Variants in UNC13C observed in about 807,000 individuals in gnomAD.
UNC13C encodes the protein protein unc-13 homolog C.
Under a neutral mutation model 245.4 loss-of-function variants are expected in UNC13C, and 174 were observed. That is an observed-to-expected ratio of 0.71 (90% CI 0.63 to 0.80). The LOEUF (loss-of-function observed/expected upper bound fraction) is 0.80. Ranked by LOEUF, UNC13C falls within the 30% of genes least tolerant of loss-of-function variation. The probability of loss-of-function intolerance (pLI) is 0.00; values close to 1 mark genes in which losing one functional copy is unlikely to be tolerated. For synonymous variants in UNC13C, 992 were observed against 895.1 expected (o/e 1.11, Z -1.93); for missense variants, 2,829 against 2,602.9 (o/e 1.09, Z -1.89).
chr15:54,069,993 CG>C lies in UNC13C; in HGVS notation c.2983+54108del, dbSNP rs1314307482. Among the ~76,000 whole-genome samples the C allele has an allele frequency of 3.3e-5, 5 of 152,284 alleles. No homozygotes were observed. The East Asian group carries it at 9.7e-4, about 29-fold the overall frequency. ...AATAAGTTGAGTATTGTTAACCTTCCGTTTTATAATGATCCTTAGACAGTTA... is the reference window on the plus strand; with the variant it reads ...AATAAGTTGAGTATTGTTAACCTTCCTTTTATAATGATCCTTAGACAGTTA... On this transcript the variant is annotated intron_variant, in intron 2 of 32. Coordinates refer to ENST00000260323, the MANE Select transcript of UNC13C (RefSeq NM_001080534.3).
At chr15:54,036,756 G>A (rs1896592836) in intron 2 of UNC13C, among the ~76,000 whole-genome samples, 1 of 152,188 alleles carries the variant, frequency 6.6e-6, no homozygotes, top group African/African-American at 2.4e-5. Flanking sequence ...GGATGGAGTT[G>A]GGGCAGTTTG....
chr15:54,374,382 A>G (rs769721529), intron 17 of UNC13C, among the ~76,000 whole-genome samples: 40 of 152,114 alleles, frequency 2.6e-4, no homozygotes, highest in Non-Finnish European at 5.3e-4. Context: ...CAGCCTCAGT[A>G]ACCCCCACCC....
intron 2 of UNC13C, among the ~76,000 whole-genome samples, chr15:54,105,038 G>A (rs543998311): frequency 6.6e-6 from 1 of 152,098 alleles, no homozygotes; most frequent in East Asian, 1.9e-4. Flanking sequence ...AAAAGCCCCA[G>A]TTTTTCTACC....
chr15:54,512,332 G>C lies in UNC13C; in HGVS notation c.5457+502G>C, dbSNP rs563013751. 3.1e-4 allele frequency: 142 copies of C among 455,846 alleles called. No individual in the cohort carries two copies. The Middle Eastern group carries it at 4.9e-3, about 16-fold the overall frequency. 28.2% of individuals were successfully genotyped at this position (455,846 alleles called of 1,614,324 possible). A position where few individuals can be genotyped will look rare whatever the true frequency, so the allele number is the denominator to read the frequency against. On this transcript the variant is annotated intron_variant, in intron 24 of 32. Transcript: ENST00000260323. Reference sequence around the variant, plus strand: ...TGTCTTTGTCCAACATCTTTGACTTGCAATTCCATGAGCAGAAGAAGGAAG... The same window carrying C: ...TGTCTTTGTCCAACATCTTTGACTTCCAATTCCATGAGCAGAAGAAGGAAG...
At chr15:53,918,957 T>C in the UNC13C span, among the ~76,000 whole-genome samples, 1 of 152,194 alleles carries the variant, frequency 6.6e-6, no homozygotes, top group African/African-American at 2.4e-5. Flanking sequence ...CAGAAGTGAA[T>C]GTGGGATTTC....
intron 28 of UNC13C, among the ~76,000 whole-genome samples, chr15:54,552,196 A>G (rs1315417307): frequency 1.4e-5 from 2 of 141,912 alleles, no homozygotes; most frequent in Non-Finnish European, 3.0e-5. Flanking sequence ...GACATTTTCT[A>G]TTACTTCATA....
rs751044444 is a variant in UNC13C, at chr15:54,013,200, C to G, written c.297C>G (p.Ala99=). 6.2e-7 allele frequency: 1 copy of G among 1,613,776 alleles called. No individual in the cohort carries two copies. The highest frequency in any genetic ancestry group is 8.5e-7 in the Non-Finnish European group (1 of 1,179,838). ...SPTFSYRVAI[A]NGLQKNAKVT... ...CATTCAGTTACCGAGTAGCTATTGC[C>G]AATGGCCTACAAAAGAATGCTAAAG... Residue 99 remains alanine (A), a synonymous_variant, in exon 2 of 33, where the codon GCC becomes GCG. Coordinates refer to ENST00000260323, the MANE Select transcript of UNC13C (RefSeq NM_001080534.3).
At chr15:54,002,937 C>A (rs1210499105) in intron 1 of UNC13C, among the ~76,000 whole-genome samples, 1 of 152,164 alleles carries the variant, frequency 6.6e-6, no homozygotes, top group Non-Finnish European at 1.5e-5. Flanking sequence ...GGTAGGAGGC[C>A]TGCGTTTTTG....
At chr15:54,610,187 G>A (rs1454169799) in intron 30 of UNC13C, among the ~76,000 whole-genome samples, 1 of 152,084 alleles carries the variant, frequency 6.6e-6, no homozygotes, top group Non-Finnish European at 1.5e-5. Flanking sequence ...TATGTCATAT[G>A]ATATATGATG....
Position 54,516,439 on chromosome 15 carries a change from G to A in UNC13C, c.5457+4609G>A, listed in dbSNP as rs552153401. Among the ~76,000 whole-genome samples, 3 of 152,224 alleles carry A rather than the reference G, an allele frequency of 2.0e-5. No individual in the cohort carries two copies. In the South Asian group the frequency reaches 6.2e-4, roughly 32 times the overall value. On this transcript the variant is annotated intron_variant, in intron 24 of 32. Coordinates refer to ENST00000260323, the MANE Select transcript of UNC13C (RefSeq NM_001080534.3). Reference sequence around the variant, plus strand: ...GGGCCAGGTGATTTGCATTTCTAACGAATCTCTGGGTGACGCTGATGCTAC... The same window carrying A: ...GGGCCAGGTGATTTGCATTTCTAACAAATCTCTGGGTGACGCTGATGCTAC...
At chr15:54,207,853 A>C (rs1462442485) in intron 4 of UNC13C, among the ~76,000 whole-genome samples, 1 of 152,126 alleles carries the variant, frequency 6.6e-6, no homozygotes, top group East Asian at 1.9e-4. Context: ...TTTGGAACAA[A>C]ATACTTAACA....
chr15:54,614,669 T>C (rs866947166), intron 30 of UNC13C, among the ~76,000 whole-genome samples: 1 of 152,018 alleles, frequency 6.6e-6, no homozygotes, highest in Non-Finnish European at 1.5e-5. Flanking sequence ...TAACTAGGTA[T>C]TGTGTAATTT....
chr15:54,123,103 C>A (rs1007761763), intron 2 of UNC13C, among the ~76,000 whole-genome samples: 1 of 151,910 alleles, frequency 6.6e-6, no homozygotes, highest in African/African-American at 2.4e-5. Context: ...ATCTTATCAA[C>A]TCTTATTATT....
chr15:54,327,136 A>T (rs2038318566), intron 14 of UNC13C, among the ~76,000 whole-genome samples: 1 of 152,010 alleles, frequency 6.6e-6, no homozygotes, highest in East Asian at 1.9e-4. Context: ...TCAATATTTT[A>T]ATTTTGAAGG....
rs1484496658 is a variant in UNC13C at position 54,500,827 on chromosome 15, C to A, written c.5158-8C>A. ...TGTTTGGGATGGTTTCACCTCCTCT[C>A]CCCACAGTTCCAGCAGACATCTGAG... On this transcript the variant is annotated splice_polypyrimidine_tract_variant and splice_region_variant and intron_variant, in intron 21 of 32. Coordinates refer to ENST00000260323, the MANE Select transcript of UNC13C (RefSeq NM_001080534.3). 1.2e-6 allele frequency: 2 copies of A among 1,612,056 alleles called. No individual in the cohort carries two copies. The highest frequency in any genetic ancestry group is 1.1e-5 in the South Asian group (1 of 90,920).
chr15:54,266,754 T>C (rs2036557752), intron 10 of UNC13C, among the ~76,000 whole-genome samples: 1 of 152,056 alleles, frequency 6.6e-6, no homozygotes, highest in African/African-American at 2.4e-5. Flanking sequence ...AATGAACATA[T>C]CCATCAGTGC....
rs146365908 is a variant in UNC13C, at chr15:54,620,916, G to C, written c.6107-1411G>C. On this transcript the variant is annotated intron_variant, in intron 30 of 32. Coordinates refer to ENST00000260323, the MANE Select transcript of UNC13C (RefSeq NM_001080534.3). ...CCTGGTGGTAGTCTCCCTGGTGTTG[G>C]GGGGAGGAAGGAAAGAAAAAAGATG... Among the ~76,000 whole-genome samples, 1,393 of 152,224 alleles carry C rather than the reference G, an allele frequency of 9.2e-3. 18 individuals are homozygous for C. Among genetic ancestry groups the C allele is most frequent in the African/African-American group, 0.03 (1,230 of 41,532 alleles).
chr15:54,241,609 T>C (rs539852628), intron 7 of UNC13C, among the ~76,000 whole-genome samples: 1 of 152,346 alleles, frequency 6.6e-6, no homozygotes, highest in South Asian at 2.1e-4. Context: ...TAACTTTGCT[T>C]CATCAATAAA....
intron 2 of UNC13C, among the ~76,000 whole-genome samples, chr15:54,136,619 G>A (rs376624529): frequency 6.6e-6 from 1 of 151,960 alleles, no homozygotes; most frequent in Non-Finnish European, 1.5e-5. Flanking sequence ...CCCTTGTCTT[G>A]TTTCTGATCT....
Sources: gnomAD v4.1 joint callset for allele counts (sites outside exome capture counted in the v4.1 genomes callset) on GRCh38, gnomAD v4.1.1 for gene constraint, MANE v1.5 for transcripts, NCBI Gene and HGNC (gene_info 2026-07-23, HGNC 2026-07-21) for gene names.